The following UNC80 variants were observed in gnomAD, a reference collection of about 807,000 sequenced individuals.
UNC80 encodes unc-80 subunit of NALCN channel complex, also known as protein unc-80 homolog.
Under a neutral mutation model 384.6 loss-of-function variants are expected in UNC80, and 164 were observed. The ratio of observed to expected loss-of-function variants is 0.43; its 90% CI spans 0.38 to 0.49. UNC80 has a LOEUF of 0.49. Among genes scored for constraint, UNC80 ranks in the 20% least tolerant of loss-of-function variants. The pLI, the probability that UNC80 is intolerant of heterozygous loss-of-function variation, is 0.00. For synonymous variants in UNC80, 1,486 were observed against 1,527.8 expected, an observed-to-expected ratio of 0.97 and a Z score of 0.64; for missense variants, 3,330 against 4,143.0, an observed-to-expected ratio of 0.80 and a Z score of 5.39.
At chr2:209,941,709 G>A (rs866889046) in intron 44 of UNC80, among the ~76,000 whole-genome samples, 3 of 152,058 alleles carry the variant, frequency 2.0e-5, no homozygotes, top group Non-Finnish European at 4.4e-5. Flanking sequence ...TTCCCATTTC[G>A]TCTAGGACAG....
At chr2:209,893,357 A>T (rs1459570832) in intron 26 of UNC80, among the ~76,000 whole-genome samples, 2 of 152,220 alleles carry the variant, frequency 1.3e-5, no homozygotes, top group Admixed American at 6.5e-5. Flanking sequence ...TGTGTATATG[A>T]CTATGGAAAA....
chr2:209,808,761 C>T (rs924598809), intron 7 of UNC80: 5 of 248,962 alleles, frequency 2.0e-5, no homozygotes, highest in Non-Finnish European at 3.1e-5. Context: ...GGGTCGCCTG[C>T]GCTACTTCTG....
At position 209,946,861 on chromosome 2, in the gene UNC80, T is replaced by C. The variant is rs568554171; in HGVS notation, c.7286+918T>C. Among the ~76,000 whole-genome samples, 85 of 152,312 alleles carry C rather than the reference T, an allele frequency of 5.6e-4. 2 individuals carry two copies. The highest frequency in any genetic ancestry group is 4.9e-3 in the Admixed American group (75 of 15,294). ...ATATTTGCCCTGCACCTTAAGCCTG[T>C]TTCTCTCTCCCATAAGAGAATGAAT... is the stretch of plus-strand genomic sequence containing the variant. On this transcript the variant is annotated intron_variant, in intron 47 of 64. Transcript: ENST00000673920.
chr2:209,939,333 C>G, intron 42 of UNC80, 139 bp from the exon 43 acceptor site: 642 of 694,402 alleles, frequency 9.2e-4, no homozygotes, highest in Non-Finnish European at 1.3e-3. Context: ...AAACACATGT[C>G]TCCCTCATTT....
intron 25 of UNC80, among the ~76,000 whole-genome samples, chr2:209,882,798 A>G (rs1356399995): frequency 1.3e-5 from 2 of 151,900 alleles, no homozygotes; most frequent in African/African-American, 4.8e-5. Flanking sequence ...CCACTGTAAT[A>G]AAAAAAATAA....
At chr2:209,959,906 G>A (rs2092537668) in intron 51 of UNC80, among the ~76,000 whole-genome samples, 199 bp downstream of exon 51, 1 of 152,130 alleles carries the variant, frequency 6.6e-6, no homozygotes, top group African/African-American at 2.4e-5. Flanking sequence ...ATCTTAGCGT[G>A]GACAAGGGGA....
At chr2:209,886,576 T>G (rs893605637) in intron 25 of UNC80, among the ~76,000 whole-genome samples, 6 of 152,200 alleles carry the variant, frequency 3.9e-5, no homozygotes, top group Non-Finnish European at 8.8e-5. Flanking sequence ...CTTTATTATA[T>G]GAGATCATTG....
intron 28 of UNC80, among the ~76,000 whole-genome samples, chr2:209,899,964 G>A (rs910444243): frequency 1.3e-5 from 2 of 151,964 alleles, no homozygotes; most frequent in Non-Finnish European, 2.9e-5. Context: ...TTACCTCCTA[G>A]CCCCCATGAG....
At chr2:209,772,257 C>T (rs1343306790) in intron 1 of UNC80, 93 bp downstream of exon 1, 1 of 571,040 alleles carries the variant, frequency 1.8e-6, no homozygotes, top group Non-Finnish European at 2.5e-6. Flanking sequence ...GCCGCTGAGG[C>T]CGCGCCACAG....
chr2:209,943,712 T>C (rs573974638), intron 45 of UNC80, among the ~76,000 whole-genome samples, 198 bp downstream of exon 45: 1 of 152,320 alleles, frequency 6.6e-6, no homozygotes, highest in East Asian at 1.9e-4. Flanking sequence ...TTGGAGCTAT[T>C]GGCCTGGGGA....
chr2:209,819,355 T>C, intron 12 of UNC80, 94 bp downstream of exon 12: 2 of 1,297,708 alleles, frequency 1.5e-6, no homozygotes, highest in Non-Finnish European at 2.1e-6. Flanking sequence ...TATAGATTCT[T>C]AGAAATATCA....
chr2:209,959,135 G>A lies in UNC80; in HGVS notation c.7567G>A (p.Ala2523Thr). The A allele has an allele frequency of 1.9e-6, 3 of 1,552,084 alleles. No homozygotes were observed. The highest frequency in any genetic ancestry group is 2.6e-6 in the Non-Finnish European group (3 of 1,147,002). ...GVNTRYQEQGAKLHFIRENLH... is the reference protein window; with the variant it reads ...GVNTRYQEQGTKLHFIRENLH... ...GACTCCCAGGTACCAGGAACAAGGA[G>A]CCAAACTGCACTTTATCAGGTACAG... The change falls in exon 50 of 65, where the codon GCC (alanine) becomes ACC (threonine). Residue 2523 changes from alanine (A) to threonine (T), a missense_variant. Ala to Thr is a moderately conservative substitution (Grantham distance 58). Coordinates refer to ENST00000673920, the MANE Select transcript of UNC80 (RefSeq NM_001371986.1).
At chr2:209,914,769 G>A (rs1206752590) in intron 31 of UNC80, among the ~76,000 whole-genome samples, 4 of 151,806 alleles carry the variant, frequency 2.6e-5, no homozygotes, top group Non-Finnish European at 5.9e-5. Context: ...TGCTGTAAGT[G>A]CACTTTGAAT....
At chr2:209,863,970 TTGTC>T (rs2083523935) in intron 22 of UNC80, among the ~76,000 whole-genome samples, 1 of 152,008 alleles carries the variant, frequency 6.6e-6, no homozygotes, top group African/African-American at 2.4e-5. Context: ...CTTCGTGAGT[TTGTC>T]TAGTTTCAGT....
At position 209,777,376 on chromosome 2, in the gene UNC80, C is replaced by T; in HGVS notation, c.417C>T (p.Ser139=). 6.2e-7 allele frequency: 1 copy of T among 1,614,210 alleles called. No homozygotes were observed. Among genetic ancestry groups the T allele is most frequent in the Non-Finnish European group, 8.5e-7 (1 of 1,180,042 alleles). The part of the protein sequence containing the change: ...NERFGGTDRG[S]SWGGSSSAFI... ...GGTTTGGGGGTACAGACCGAGGCTCCAGCTGGGGTGGAAGCAGCAGTGCTT... is the reference window on the plus strand; with the variant it reads ...GGTTTGGGGGTACAGACCGAGGCTCTAGCTGGGGTGGAAGCAGCAGTGCTT... Residue 139 remains serine (S), a synonymous_variant, in exon 4 of 65, where the codon TCC becomes TCT. Coordinates refer to ENST00000673920, the MANE Select transcript of UNC80 (RefSeq NM_001371986.1).
intron 22 of UNC80, among the ~76,000 whole-genome samples, chr2:209,853,507 T>C (rs1482846667): frequency 1.3e-5 from 2 of 152,054 alleles, no homozygotes; most frequent in African/African-American, 4.8e-5. Flanking sequence ...TTAAGTCCAG[T>C]ACAGCTTTTC....
chr2:209,880,420 A>G (rs1402730304), intron 24 of UNC80, among the ~76,000 whole-genome samples: 1 of 152,250 alleles, frequency 6.6e-6, no homozygotes, highest in Non-Finnish European at 1.5e-5. Context: ...TCTGTGTTGC[A>G]GAAACACATT....
chr2:209,938,018 G>T (rs1325202242), intron 42 of UNC80, among the ~76,000 whole-genome samples: 3 of 151,956 alleles, frequency 2.0e-5, no homozygotes, highest in African/African-American at 7.3e-5. Flanking sequence ...CAGTAAAAGG[G>T]GTCACTCTAG....
intron 38 of UNC80, among the ~76,000 whole-genome samples, chr2:209,933,386 C>CA (rs912513632): frequency 8.0e-5 from 12 of 150,098 alleles, no homozygotes; most frequent in Admixed American, 2.0e-4. Context: ...AATTTAGAAA[C>CA]AAAAAAAAAG....
Sources: gnomAD v4.1 joint callset for allele counts (sites outside exome capture counted in the v4.1 genomes callset) on GRCh38, gnomAD v4.1.1 for gene constraint, MANE v1.5 for transcripts, NCBI Gene and HGNC (gene_info 2026-07-23, HGNC 2026-07-21) for gene names.